Variants in PTPRK observed in about 807,000 individuals in gnomAD.
PTPRK encodes protein tyrosine phosphatase receptor type K, also known as receptor-type tyrosine-protein phosphatase kappa.
Under a neutral mutation model 178.0 loss-of-function variants are expected in PTPRK, and 75 were observed. The ratio of observed to expected loss-of-function variants is 0.42; its 90% CI spans 0.35 to 0.51. PTPRK has a LOEUF of 0.51. Among genes scored for constraint, PTPRK ranks in the 20% least tolerant of loss-of-function variants. The probability of loss-of-function intolerance (pLI) is 0.02; values close to 1 mark genes in which losing one functional copy is unlikely to be tolerated. For synonymous variants in PTPRK, 637 were observed against 620.6 expected, an observed-to-expected ratio of 1.03 and a Z score of -0.39; for missense variants, 1,441 against 1,797.8, an observed-to-expected ratio of 0.80 and a Z score of 3.59.
chr6:128,422,536 A>G (rs892471171), intron 1 of PTPRK, among the ~76,000 whole-genome samples: 1 of 152,094 alleles, frequency 6.6e-6, no homozygotes, highest in Non-Finnish European at 1.5e-5. Context: ...GTACTTTCCA[A>G]TATATTCTTT....
chr6:128,519,020 G>A lies in PTPRK; in HGVS notation c.100+1239C>T, dbSNP rs1437908966. ...GTACAAAGTAAGTTATTTGCGTCCT[G>A]CGGCTTCAGCCAGGAGCGTGGCTGT... On this transcript the variant is annotated intron_variant, in intron 1 of 29. Transcript: ENST00000368226. The surrounding 1 kb of genome is among the most constrained non-coding windows in gnomAD (Gnocchi z 4.3). 2 of 527,932 alleles carry A rather than the reference G, an allele frequency of 3.8e-6. No homozygotes were observed. The highest frequency in any genetic ancestry group is 1.9e-5 in the African/African-American group (1 of 51,848). 32.7% of individuals were successfully genotyped at this position (527,932 alleles called of 1,614,324 possible).
At chr6:128,056,295 T>TA (rs1351724846) in intron 13 of PTPRK, among the ~76,000 whole-genome samples, 2 of 152,288 alleles carry the variant, frequency 1.3e-5, no homozygotes, top group Admixed American at 6.5e-5. Flanking sequence ...TTTCTATACT[T>TA]ACTTAAACTT....
At chr6:128,186,093 T>C (rs980822695) in intron 6 of PTPRK, among the ~76,000 whole-genome samples, 8 of 152,126 alleles carry the variant, frequency 5.3e-5, no homozygotes, top group African/African-American at 1.7e-4. Context: ...TCTTTCAAAA[T>C]TCATATGATA....
chr6:128,027,743 T>A (rs892307849), intron 13 of PTPRK: 2 of 152,188 alleles, frequency 1.3e-5, no homozygotes, highest in Admixed American at 6.6e-5. Flanking sequence ...TACAGGCGTG[T>A]GCCACTGTGC....
At chr6:128,129,642 T>C (rs1793910296) in intron 7 of PTPRK, among the ~76,000 whole-genome samples, 1 of 152,166 alleles carries the variant, frequency 6.6e-6, no homozygotes, top group African/African-American at 2.4e-5. Flanking sequence ...TGAGGTGATA[T>C]ATCACTCCTA....
At chr6:128,208,453 T>C (rs905364868) in intron 6 of PTPRK, among the ~76,000 whole-genome samples, 5 of 152,068 alleles carry the variant, frequency 3.3e-5, no homozygotes, top group Non-Finnish European at 1.5e-5. Context: ...TAAAAAGTTT[T>C]ACAAAGAAGA....
intron 1 of PTPRK, among the ~76,000 whole-genome samples, chr6:128,431,240 A>G (rs1003418114): frequency 6.6e-6 from 1 of 152,184 alleles, no homozygotes; most frequent in African/African-American, 2.4e-5. Flanking sequence ...GCTCGGCCAA[A>G]TATTCTTAAT....
chr6:128,068,235 G>C (rs1190164674), intron 11 of PTPRK, among the ~76,000 whole-genome samples: 2 of 152,212 alleles, frequency 1.3e-5, no homozygotes, highest in Non-Finnish European at 2.9e-5. Context: ...GGTGCTAGAA[G>C]CACCCATTTG....
At chr6:128,135,565 A>G (rs1285160026) in intron 7 of PTPRK, among the ~76,000 whole-genome samples, 7 of 152,188 alleles carry the variant, frequency 4.6e-5, no homozygotes, top group Non-Finnish European at 1.0e-4. Flanking sequence ...CTAGGGAGTG[A>G]GCCTGAAAGG....
chr6:128,446,064 C>T (rs550351893), intron 1 of PTPRK, among the ~76,000 whole-genome samples: 38 of 152,266 alleles, frequency 2.5e-4, no homozygotes, highest in Non-Finnish European at 5.0e-4. Context: ...AAAAAATCTA[C>T]CATTCTCTAA....
At chr6:128,237,304 G>A (rs1180888610) in intron 5 of PTPRK, among the ~76,000 whole-genome samples, 1 of 151,928 alleles carries the variant, frequency 6.6e-6, no homozygotes, top group African/African-American at 2.4e-5. Context: ...CCTGACCATG[G>A]CAGGTATAAC....
rs1015725850 is a variant in PTPRK, at chr6:128,393,385, G to A, written c.223+4181C>T. Among the ~76,000 whole-genome samples the A allele has an allele frequency of 3.3e-5, 5 of 152,010 alleles. No homozygotes were observed. In the East Asian group the frequency reaches 5.8e-4, roughly 18 times the overall value. On this transcript the variant is annotated intron_variant, in intron 2 of 29. Coordinates refer to ENST00000368226, the MANE Select transcript of PTPRK (RefSeq NM_002844.4). ...ATTACAGGCGTGAGCCACCACGCCC[G>A]GCTGTTCATAAGGACCTTATAGTCT...
At chr6:128,515,788 C>T (rs1353112430) in intron 1 of PTPRK, among the ~76,000 whole-genome samples, 3 of 152,166 alleles carry the variant, frequency 2.0e-5, no homozygotes, top group Admixed American at 6.5e-5. Context: ...TCTCAATCTT[C>T]CAGCATCTCT....
At position 128,229,803 on chromosome 6, in the gene PTPRK, T is replaced by C. The variant is rs190278279; in HGVS notation, c.693+10232A>G. 1.0e-3 allele frequency among the ~76,000 whole-genome samples: 156 copies of C among 152,296 alleles called. 1 individual carries two copies. The highest frequency in any genetic ancestry group is 3.4e-3 in the Middle Eastern group (1 of 294). On this transcript the variant is annotated intron_variant, in intron 5 of 29. Transcript: ENST00000368226. ...GATATTAAAAGAAAAAAAGAGTAAG[T>C]CATCTTTGCAGGATGATAGGGAACC...
At chr6:128,321,487 T>C (rs994734712) in intron 3 of PTPRK, 5 of 294,656 alleles carry the variant, frequency 1.7e-5, no homozygotes, top group African/African-American at 6.7e-5. Flanking sequence ...GAATAACTTA[T>C]CCTTTTTGGC....
chr6:128,349,482 T>A (rs1240949201), intron 2 of PTPRK, among the ~76,000 whole-genome samples: 1 of 152,078 alleles, frequency 6.6e-6, no homozygotes, highest in Non-Finnish European at 1.5e-5. Flanking sequence ...TATAAATAAT[T>A]GAACAAATGA....
Position 128,366,965 on chromosome 6 carries a change from T to C in PTPRK, c.223+30601A>G, listed in dbSNP as rs141753702. Among the ~76,000 whole-genome samples, 697 of 152,238 alleles carry C rather than the reference T, an allele frequency of 4.6e-3. 1 individual carries two copies. Among genetic ancestry groups the C allele is most frequent in the Middle Eastern group, 0.021 (6 of 292 alleles). On this transcript the variant is annotated intron_variant, in intron 2 of 29. Transcript: ENST00000368226. ...ACTCCAGCGTTAGAAGATAGATATC[T>C]TCATAGAAACAGGCTCCCAACACCA...
intron 7 of PTPRK, among the ~76,000 whole-genome samples, chr6:128,110,045 A>C (rs1247115454): frequency 6.6e-6 from 1 of 152,046 alleles, no homozygotes; most frequent in Non-Finnish European, 1.5e-5. Context: ...GTCTAATACT[A>C]CAGGTATGCA....
At chr6:128,087,393 G>A (rs1384005182) in intron 8 of PTPRK, among the ~76,000 whole-genome samples, 2 of 151,976 alleles carry the variant, frequency 1.3e-5, no homozygotes, top group Non-Finnish European at 2.9e-5. Flanking sequence ...GCTACAAAGT[G>A]CCTAGTGTGA....
Sources: gnomAD v4.1 joint callset for allele counts (sites outside exome capture counted in the v4.1 genomes callset) on GRCh38, gnomAD v4.1.1 for gene constraint, Gnocchi (gnomAD v3.1) non-coding constraint, MANE v1.5 for transcripts, NCBI Gene and HGNC (gene_info 2026-07-23, HGNC 2026-07-21) for gene names.